The following SCFD2 variants were observed in gnomAD, a reference collection of about 807,000 sequenced individuals.
SCFD2 encodes the protein sec1 family domain-containing protein 2.
SCFD2 carries 54 observed loss-of-function variants against 58.9 expected under a neutral mutation model. That is an observed-to-expected ratio of 0.92 (90% CI 0.74 to 1.15). The LOEUF (loss-of-function observed/expected upper bound fraction) is 1.15, where lower values mean the gene tolerates loss of function less well. Ranked by LOEUF, SCFD2 falls within the 50% of genes most tolerant of loss-of-function variation. The pLI, the probability that SCFD2 is intolerant of heterozygous loss-of-function variation, is 0.00. For missense variants in SCFD2, 805 were observed against 836.6 expected (o/e 0.96, Z 0.47); for synonymous variants, 321 against 335.9 (o/e 0.96, Z 0.49).
intron 4 of SCFD2, among the ~76,000 whole-genome samples, chr4:53,154,583 C>T (rs1482417901): frequency 1.3e-5 from 2 of 152,182 alleles, no homozygotes; most frequent in Admixed American, 1.3e-4. Context: ...TATCATCCTC[C>T]AAGCTTCAGC....
chr4:53,202,266 C>T (rs1728267720), intron 4 of SCFD2, among the ~76,000 whole-genome samples: 1 of 152,152 alleles, frequency 6.6e-6, no homozygotes, highest in Non-Finnish European at 1.5e-5. Flanking sequence ...TTCCCAGCAC[C>T]ATTTATTTAA....
chr4:53,249,069 C>T (rs891555803), intron 4 of SCFD2, among the ~76,000 whole-genome samples: 12 of 151,968 alleles, frequency 7.9e-5, no homozygotes, highest in African/African-American at 2.9e-4. Context: ...AAAATTTAGA[C>T]GATTGTATTA....
rs1734664391 is a variant in SCFD2 at position 53,365,339 on chromosome 4, A to G, written c.603T>C (p.Gly201=). 3 of 1,614,086 alleles carry G rather than the reference A, an allele frequency of 1.9e-6. No homozygotes were observed. Among genetic ancestry groups the G allele is most frequent in the Non-Finnish European group, 2.5e-6 (3 of 1,179,990 alleles). ...RPDKRKLGSL[G]DVDSTTLTPE... is the part of the protein sequence containing the mutation. ...GGGTTAGCGTAGTGGAGTCCACATCACCCAGGCTTCCCAGCTTCCTCTTGT... is the reference window on the plus strand; with the variant it reads ...GGGTTAGCGTAGTGGAGTCCACATCGCCCAGGCTTCCCAGCTTCCTCTTGT... Residue 201 remains glycine (G), a synonymous_variant, in exon 1 of 9, where the codon GGT becomes GGC. Coordinates refer to ENST00000401642, the MANE Select transcript of SCFD2 (RefSeq NM_152540.4). The surrounding 1 kb of genome is among the most constrained non-coding windows in gnomAD (Gnocchi z 4.3).
intron 4 of SCFD2, among the ~76,000 whole-genome samples, chr4:53,175,261 T>C (rs1727294544): frequency 6.6e-6 from 1 of 152,228 alleles, no homozygotes; most frequent in Non-Finnish European, 1.5e-5. Flanking sequence ...TAATGTGATA[T>C]CTTTTAGCTT....
At chr4:52,942,587 T>C (rs1720320323) in intron 5 of SCFD2, among the ~76,000 whole-genome samples, 1 of 152,160 alleles carries the variant, frequency 6.6e-6, no homozygotes, top group South Asian at 2.1e-4. Context: ...GTGATAAAAG[T>C]ACCTCCTTCA....
At chr4:53,156,898 T>A (rs1310731476) in intron 4 of SCFD2, among the ~76,000 whole-genome samples, 1 of 152,264 alleles carries the variant, frequency 6.6e-6, no homozygotes, top group Non-Finnish European at 1.5e-5. Context: ...AATCTCTTCT[T>A]TCATGCAATA....
At chr4:52,992,421 G>A (rs916144986) in intron 5 of SCFD2, among the ~76,000 whole-genome samples, 24 of 152,336 alleles carry the variant, frequency 1.6e-4, no homozygotes, top group Middle Eastern at 3.4e-3. Context: ...CCAAAGTGCC[G>A]AGATTGCAGC....
chr4:53,341,933 G>C (rs1325487704), intron 2 of SCFD2, among the ~76,000 whole-genome samples: 7 of 152,198 alleles, frequency 4.6e-5, no homozygotes, highest in African/African-American at 1.2e-4. Flanking sequence ...CACCAGGTCT[G>C]CTTTACAAGA....
chr4:52,894,139 C>G (rs1322129612), intron 7 of SCFD2, among the ~76,000 whole-genome samples: 1 of 152,120 alleles, frequency 6.6e-6, no homozygotes, highest in Non-Finnish European at 1.5e-5. Flanking sequence ...AAACAAGGGA[C>G]CCAGAGGTAA....
intron 8 of SCFD2, among the ~76,000 whole-genome samples, chr4:52,883,184 A>C (rs559225845): frequency 7.0e-4 from 107 of 152,182 alleles, no homozygotes; most frequent in Non-Finnish European, 9.9e-4. Flanking sequence ...TTTCCGCTGC[A>C]CTCTAAAAAG....
chr4:53,290,217 G>A (rs1465788883), intron 3 of SCFD2, among the ~76,000 whole-genome samples: 1 of 152,074 alleles, frequency 6.6e-6, no homozygotes, highest in Non-Finnish European at 1.5e-5. Context: ...CACTATATGT[G>A]AGGCCACAGT....
intron 5 of SCFD2, among the ~76,000 whole-genome samples, chr4:52,979,836 C>T (rs916023399): frequency 6.6e-6 from 1 of 152,118 alleles, no homozygotes; most frequent in Non-Finnish European, 1.5e-5. Flanking sequence ...CCTACCCAGG[C>T]CAGAAACCTA....
intron 6 of SCFD2, among the ~76,000 whole-genome samples, chr4:52,908,022 T>G (rs977013600): frequency 1.2e-4 from 19 of 152,174 alleles, no homozygotes; most frequent in Non-Finnish European, 2.6e-4. Flanking sequence ...AACTCCAATG[T>G]TATTTACAAT....
Position 52,927,616 on chromosome 4 carries a change from T to C in SCFD2, c.1562-6746A>G, listed in dbSNP as rs140675965. Among the ~76,000 whole-genome samples, 713 of 152,370 alleles carry C rather than the reference T, an allele frequency of 4.7e-3. 9 individuals are homozygous for C. Among genetic ancestry groups the C allele is most frequent in the African/African-American group, 0.015 (629 of 41,588 alleles). On this transcript the variant is annotated intron_variant, in intron 5 of 8. Coordinates refer to ENST00000401642, the MANE Select transcript of SCFD2 (RefSeq NM_152540.4). ...TCTTTTTGAGTTCATACTTCATCAG[T>C]ATGTGAGAACATTTAATTAAATCTT...
chr4:52,956,527 A>C (rs1376491236), intron 5 of SCFD2: 1 of 287,846 alleles, frequency 3.5e-6, no homozygotes, highest in African/African-American at 2.2e-5. Context: ...CTTCTCTCTA[A>C]GGCTCAGTTT....
intron 5 of SCFD2, among the ~76,000 whole-genome samples, chr4:53,131,169 T>C (rs1407452964): frequency 6.6e-6 from 1 of 152,246 alleles, no homozygotes; most frequent in Non-Finnish European, 1.5e-5. Flanking sequence ...CTTTGTTCTT[T>C]ATGATTACAA....
chr4:52,878,789 G>GA (rs1320302492), intron 8 of SCFD2, among the ~76,000 whole-genome samples: 1 of 152,204 alleles, frequency 6.6e-6, no homozygotes, highest in Non-Finnish European at 1.5e-5. Context: ...CAAGGGCACT[G>GA]AAGAAAATTC....
intron 3 of SCFD2, among the ~76,000 whole-genome samples, chr4:53,281,051 T>C (rs1273143961): frequency 3.3e-5 from 5 of 152,196 alleles, no homozygotes; most frequent in African/African-American, 1.2e-4. Context: ...TCTGCGGCCG[T>C]GCGCCCTGTT....
intron 4 of SCFD2, among the ~76,000 whole-genome samples, chr4:53,192,196 C>A (rs768474975): frequency 7.9e-5 from 12 of 152,144 alleles, no homozygotes; most frequent in Non-Finnish European, 1.8e-4. Flanking sequence ...ACACTAGGCA[C>A]CTGTTTTCAG....
Sources: gnomAD v4.1 joint callset for allele counts (sites outside exome capture counted in the v4.1 genomes callset) on GRCh38, gnomAD v4.1.1 for gene constraint, Gnocchi (gnomAD v3.1) non-coding constraint, MANE v1.5 for transcripts, NCBI Gene and HGNC (gene_info 2026-07-23, HGNC 2026-07-21) for gene names.